The following SLC35F4 variants were observed in gnomAD, a reference collection of about 807,000 sequenced individuals.
SLC35F4 encodes chromosome 14 open reading frame 36.
A neutral mutation model predicts 44.2 loss-of-function variants in SLC35F4; 24 were observed. The observed-to-expected ratio is 0.54, with a 90% CI of 0.39 to 0.76. The LOEUF (loss-of-function observed/expected upper bound fraction) is 0.76. SLC35F4 is among the 30% of genes least tolerant of loss of function. The pLI, the probability that SLC35F4 is intolerant of heterozygous loss-of-function variation, is 0.00. For synonymous variants in SLC35F4, 238 were observed against 223.6 expected (o/e 1.06, Z -0.57); for missense variants, 562 against 586.1 (o/e 0.96, Z 0.42).
chr14:57,859,505 G>T (rs75976309), intron 1 of SLC35F4, among the ~76,000 whole-genome samples: 6 of 152,182 alleles, frequency 3.9e-5, no homozygotes, highest in South Asian at 2.1e-4. Flanking sequence ...TGTGGTGTAG[G>T]GGGGAGAAAT....
intron 1 of SLC35F4, among the ~76,000 whole-genome samples, chr14:57,966,991 C>T (rs1305015838): frequency 6.7e-6 from 1 of 149,070 alleles, no homozygotes; most frequent in Admixed American, 6.7e-5. Context: ...GCCTGGGTAA[C>T]AGAGCAAGAC....
chr14:57,616,331 T>C (rs2071823541), intron 1 of SLC35F4, among the ~76,000 whole-genome samples: 1 of 152,242 alleles, frequency 6.6e-6, no homozygotes, highest in South Asian at 2.1e-4. Context: ...AAGGGGAAAT[T>C]GACCCTTGAG....
intron 1 of SLC35F4, among the ~76,000 whole-genome samples, chr14:57,910,153 T>C (rs1889188436): frequency 6.6e-6 from 1 of 152,174 alleles, no homozygotes; most frequent in Admixed American, 6.5e-5. Flanking sequence ...GATTCTTCAT[T>C]TTCTTATTAC....
At chr14:57,719,947 G>A (rs184799532) in intron 1 of SLC35F4, among the ~76,000 whole-genome samples, 1 of 152,108 alleles carries the variant, frequency 6.6e-6, no homozygotes, top group Non-Finnish European at 1.5e-5. Context: ...CTGTGAGCCT[G>A]TCATATATGG....
At chr14:57,812,231 T>C (rs915501768) in intron 1 of SLC35F4, among the ~76,000 whole-genome samples, 3 of 152,060 alleles carry the variant, frequency 2.0e-5, no homozygotes, top group Admixed American at 6.6e-5. Flanking sequence ...CCAAAGCAAG[T>C]GTAAATCTGC....
intron 1 of SLC35F4, among the ~76,000 whole-genome samples, chr14:57,760,311 G>A (rs1458183957): frequency 6.6e-6 from 1 of 152,006 alleles, no homozygotes; most frequent in Non-Finnish European, 1.5e-5. Context: ...GTGTAACATG[G>A]CACCCTTTTT....
At chr14:57,626,226 C>T (rs1465503395) in intron 1 of SLC35F4, among the ~76,000 whole-genome samples, 2 of 144,278 alleles carry the variant, frequency 1.4e-5, no homozygotes, top group Non-Finnish European at 1.5e-5. Context: ...ATGTAAATGA[C>T]GGGTTGATGG....
intron 1 of SLC35F4, among the ~76,000 whole-genome samples, chr14:57,623,404 G>A (rs1371092050): frequency 1.4e-4 from 21 of 152,092 alleles, no homozygotes; most frequent in Admixed American, 1.2e-3. Flanking sequence ...ACAGATCAAC[G>A]AGACAAAATT....
chr14:57,693,850 A>G (rs1292843732), intron 1 of SLC35F4, among the ~76,000 whole-genome samples: 1 of 152,070 alleles, frequency 6.6e-6, no homozygotes, highest in Non-Finnish European at 1.5e-5. Context: ...CCCACACAGC[A>G]CAGGTGGTTA....
intron 1 of SLC35F4, among the ~76,000 whole-genome samples, chr14:57,918,674 G>C (rs1889380354): frequency 6.6e-6 from 1 of 152,202 alleles, no homozygotes; most frequent in Non-Finnish European, 1.5e-5. Flanking sequence ...GGATGGTACA[G>C]CTGCAGGAAG....
chr14:57,589,243 T>C lies in SLC35F4; in HGVS notation c.560A>G (p.Glu187Gly), dbSNP rs1184697472. 1.2e-6 allele frequency: 2 copies of C among 1,610,486 alleles called. No individual in the cohort carries two copies. Among genetic ancestry groups the C allele is most frequent in the Admixed American group, 1.7e-5 (1 of 59,554 alleles). ...GAATTTTTTCATTGGAGATTGCTTT[T>C]CTTGAGCAGTGGCTAGATGACCAGA... ...YYSGHLATAQ[E>G]KQSPMKKFRE... The change falls in exon 3 of 8, where the codon GAA becomes GGA. Residue 187 changes from glutamate (E) to glycine (G), a missense_variant. Glu to Gly is a moderately conservative substitution (Grantham distance 98). Transcript: ENST00000556826.
chr14:57,921,889 G>T (rs1189532822), intron 1 of SLC35F4, among the ~76,000 whole-genome samples: 1 of 152,176 alleles, frequency 6.6e-6, no homozygotes, highest in South Asian at 2.1e-4. Flanking sequence ...AACAATTTAG[G>T]TTGGGGAAGG....
At chr14:57,632,738 C>T (rs2072844699) in intron 1 of SLC35F4, among the ~76,000 whole-genome samples, 1 of 152,046 alleles carries the variant, frequency 6.6e-6, no homozygotes, top group Admixed American at 6.6e-5. Flanking sequence ...TTGACATGCC[C>T]AGGCTGGAGT....
At chr14:57,859,428 T>C (rs1887485079) in intron 1 of SLC35F4, among the ~76,000 whole-genome samples, 1 of 152,226 alleles carries the variant, frequency 6.6e-6, no homozygotes, top group Admixed American at 6.5e-5. Flanking sequence ...TTTGTTTTAA[T>C]CTCCCTTTGC....
chr14:57,964,991 A>T (rs1414261), intron 1 of SLC35F4, among the ~76,000 whole-genome samples: 50,513 of 114,662 alleles, frequency 0.44, 11,536 homozygotes, highest in East Asian at 0.65. Context: ...AAAAAAAAAA[A>T]ATATATATAT....
intron 1 of SLC35F4, among the ~76,000 whole-genome samples, chr14:57,886,731 CA>C (rs1368345968): frequency 6.6e-6 from 1 of 151,286 alleles, no homozygotes; most frequent in African/African-American, 2.4e-5. Flanking sequence ...TGTCTTTTTA[CA>C]GAGCTCTTTA....
At chr14:57,713,553 C>T (rs527652976) in intron 1 of SLC35F4, among the ~76,000 whole-genome samples, 1 of 152,302 alleles carries the variant, frequency 6.6e-6, no homozygotes, top group East Asian at 1.9e-4. Context: ...TTAAGTTTTT[C>T]CCCCTTCAGT....
At chr14:57,762,053 T>C (rs2077137245) in intron 1 of SLC35F4, among the ~76,000 whole-genome samples, 1 of 152,132 alleles carries the variant, frequency 6.6e-6, no homozygotes, top group African/African-American at 2.4e-5. Flanking sequence ...ACACCCCTAC[T>C]CCCGGTGAAA....
intron 1 of SLC35F4, among the ~76,000 whole-genome samples, chr14:57,753,918 G>A (rs2076940228): frequency 6.6e-6 from 1 of 152,048 alleles, no homozygotes; most frequent in African/African-American, 2.4e-5. Context: ...GAGCAGCCTT[G>A]AAAGAAAGCT....
Sources: allele counts gnomAD v4.1 joint callset (sites outside exome capture counted in the v4.1 genomes callset), GRCh38; gene constraint gnomAD v4.1.1; transcripts MANE v1.5; gene names NCBI Gene and HGNC (gene_info 2026-07-23, HGNC 2026-07-21).